Variants in SLC27A6 observed in about 807,000 individuals in gnomAD.
SLC27A6 encodes long-chain fatty acid transport protein 6.
Under a neutral mutation model 63.9 loss-of-function variants are expected in SLC27A6, and 74 were observed. The observed-to-expected ratio is 1.16, with a 90% CI of 0.96 to 1.40. The LOEUF (loss-of-function observed/expected upper bound fraction) is 1.40. Ranked by LOEUF, SLC27A6 falls within the 40% of genes most tolerant of loss-of-function variation. The probability of loss-of-function intolerance (pLI) is 0.00; values close to 1 mark genes in which losing one functional copy is unlikely to be tolerated. For synonymous variants in SLC27A6, 287 were observed against 260.8 expected (o/e 1.10, Z -0.97); for missense variants, 794 against 732.9 (o/e 1.08, Z -0.96).
At chr5:128,973,774 G>A (rs1429942668) in intron 1 of SLC27A6, among the ~76,000 whole-genome samples, 1 of 152,210 alleles carries the variant, frequency 6.6e-6, no homozygotes, top group Non-Finnish European at 1.5e-5. Context: ...TCTGTGGGTT[G>A]CACCCACTGT....
chr5:128,992,366 T>G (rs1199973079), intron 4 of SLC27A6, among the ~76,000 whole-genome samples: 1 of 152,140 alleles, frequency 6.6e-6, no homozygotes, highest in Non-Finnish European at 1.5e-5. Flanking sequence ...GCCATGTAAT[T>G]TTTCAATTAA....
chr5:128,994,537 C>T (rs1423700264), intron 4 of SLC27A6, among the ~76,000 whole-genome samples: 2 of 152,090 alleles, frequency 1.3e-5, no homozygotes, highest in African/African-American at 4.8e-5. Flanking sequence ...TTCTGCTGCC[C>T]AGCCAGTACA....
chr5:129,022,346 A>ATTAATTGCTCTCATTTATATT (rs1474007377), intron 5 of SLC27A6, among the ~76,000 whole-genome samples: 1 of 152,160 alleles, frequency 6.6e-6, no homozygotes, highest in East Asian at 1.9e-4. Context: ...CCCAATCAAT[A>ATTAATTGCTCTCATTTATATT]TTAATTGCTC....
chr5:128,976,742 T>C (rs746748522), intron 1 of SLC27A6, among the ~76,000 whole-genome samples: 1 of 152,214 alleles, frequency 6.6e-6, no homozygotes, highest in African/African-American at 2.4e-5. Flanking sequence ...TTATTTTGTG[T>C]TTATAGAGAA....
chr5:129,012,975 G>A (rs572767851), intron 4 of SLC27A6, among the ~76,000 whole-genome samples: 10 of 151,140 alleles, frequency 6.6e-5, no homozygotes, highest in Non-Finnish European at 1.3e-4. Context: ...CTTCTATCTT[G>A]CTATTTTTTC....
At chr5:129,028,251 G>C (rs1412685238) in intron 7 of SLC27A6, 94 bp from the exon 8 acceptor site, 1 of 766,788 alleles carries the variant, frequency 1.3e-6, no homozygotes, top group Non-Finnish European at 2.3e-6. Flanking sequence ...GTAGGTGCTT[G>C]CACAGTGCCA....
intron 4 of SLC27A6, 52 bp from the exon 5 acceptor site, chr5:129,015,833 G>T: frequency 8.0e-7 from 1 of 1,245,402 alleles, no homozygotes; most frequent in South Asian, 1.4e-5. Context: ...TAATAATAAA[G>T]AAAGAATTAG....
intron 1 of SLC27A6, among the ~76,000 whole-genome samples, chr5:128,978,802 C>A (rs1027445285): frequency 6.6e-6 from 1 of 152,062 alleles, no homozygotes; most frequent in African/African-American, 2.4e-5. Context: ...CATTATAAAG[C>A]CAATAATAGA....
intron 5 of SLC27A6, among the ~76,000 whole-genome samples, chr5:129,019,786 T>TA (rs1163618367): frequency 6.6e-6 from 1 of 151,564 alleles, no homozygotes; most frequent in African/African-American, 2.4e-5. Context: ...ACAAACACAA[T>TA]AAAAAGAGCA....
At chr5:129,031,626 T>C (rs1752417650) in intron 9 of SLC27A6, among the ~76,000 whole-genome samples, 2 of 151,980 alleles carry the variant, frequency 1.3e-5, no homozygotes, top group South Asian at 4.1e-4. Flanking sequence ...TTTTTATTTC[T>C]AGTGTTAAAA....
chr5:129,028,850 T>C, intron 8 of SLC27A6, among the ~76,000 whole-genome samples: 1 of 152,170 alleles, frequency 6.6e-6, no homozygotes, highest in Non-Finnish European at 1.5e-5. Context: ...TTTATAAAAA[T>C]TATTTTTAAA....
intron 9 of SLC27A6, among the ~76,000 whole-genome samples, chr5:129,029,936 C>T (rs956068715): frequency 1.3e-5 from 2 of 152,020 alleles, no homozygotes; most frequent in Non-Finnish European, 2.9e-5. Flanking sequence ...CTCTCTTCCT[C>T]TTCAGTCAGG....
chr5:128,974,281 CAACA>C (rs1750298821), intron 1 of SLC27A6, among the ~76,000 whole-genome samples: 1 of 152,066 alleles, frequency 6.6e-6, no homozygotes, highest in Non-Finnish European at 1.5e-5. Flanking sequence ...TTTTTAACAC[CAACA>C]GTCAGTTTTT....
intron 5 of SLC27A6, among the ~76,000 whole-genome samples, chr5:129,020,888 G>A (rs760379196): frequency 2.0e-4 from 31 of 152,048 alleles, no homozygotes; most frequent in South Asian, 6.2e-4. Context: ...ATCCAGGAGG[G>A]TACCAAGGGT....
At chr5:128,970,882 C>T (rs919258945) in intron 1 of SLC27A6, among the ~76,000 whole-genome samples, 34 of 151,870 alleles carry the variant, frequency 2.2e-4, no homozygotes, top group Non-Finnish European at 2.2e-4. Context: ...CCTGCTTTCT[C>T]TTGTGGGCAT....
intron 1 of SLC27A6, among the ~76,000 whole-genome samples, chr5:128,969,712 G>C (rs1750063057): frequency 6.6e-6 from 1 of 152,122 alleles, no homozygotes; most frequent in South Asian, 2.1e-4. Flanking sequence ...TCTGCAAACA[G>C]GGACAATTTG....
chr5:129,002,849 G>T (rs943550029), intron 4 of SLC27A6, among the ~76,000 whole-genome samples: 2 of 152,184 alleles, frequency 1.3e-5, no homozygotes, highest in African/African-American at 4.8e-5. Flanking sequence ...TGATATGGGG[G>T]CTCAAGCATG....
At chr5:129,008,865 A>ATTT (rs777633985) in intron 4 of SLC27A6, among the ~76,000 whole-genome samples, 75 of 122,824 alleles carry the variant, frequency 6.1e-4, no homozygotes, top group African/African-American at 2.0e-3. Flanking sequence ...TTTTCAATTG[A>ATTT]TTTTTTTTTT....
In SLC27A6 at chr5:128,966,595, C is replaced by T. The variant is rs144670577; in HGVS notation, c.458C>T (p.Pro153Leu). ...SLLNCIRACG[P>L]RALVVGADLL... ...CTGAATTGCATCCGCGCCTGTGGGC[C>T]CAGAGCCCTAGTGGTGGGCGCAGGT... The change falls in exon 1 of 10, where the codon CCC (proline) becomes CTC (leucine). Residue 153 changes from proline to leucine, a missense_variant. Coordinates refer to ENST00000262462, the MANE Select transcript of SLC27A6 (RefSeq NM_001017372.3). 2,221 of 1,536,014 alleles carry T rather than the reference C, an allele frequency of 1.4e-3. 5 individuals carry two copies. The highest frequency in any genetic ancestry group is 1.6e-3 in the Non-Finnish European group (1,802 of 1,149,804).
Sources: gnomAD v4.1 joint callset for allele counts (sites outside exome capture counted in the v4.1 genomes callset) on GRCh38, gnomAD v4.1.1 for gene constraint, MANE v1.5 for transcripts, NCBI Gene and HGNC (gene_info 2026-07-23, HGNC 2026-07-21) for gene names.